The following PCSK2 variants were observed in gnomAD, a reference collection of about 807,000 sequenced individuals.
PCSK2 encodes proprotein convertase subtilisin/kexin type 2, also known as neuroendocrine convertase 2.
PCSK2 carries 14 observed loss-of-function variants against 69.7 expected under a neutral mutation model. That is an observed-to-expected ratio of 0.20 (90% CI 0.13 to 0.31). The LOEUF (loss-of-function observed/expected upper bound fraction) is 0.31, where lower values mean the gene tolerates loss of function less well. PCSK2 is among the 10% of genes least tolerant of loss of function. PCSK2 has a pLI of 1.00. For synonymous variants in PCSK2, 307 were observed against 320.7 expected, an observed-to-expected ratio of 0.96 and a Z score of 0.46; for missense variants, 544 against 842.5, an observed-to-expected ratio of 0.65 and a Z score of 4.39.
intron 5 of PCSK2, among the ~76,000 whole-genome samples, chr20:17,407,701 A>G (rs1164944165): frequency 6.6e-6 from 1 of 152,202 alleles, no homozygotes; most frequent in African/African-American, 2.4e-5. Context: ...AGTGAATGAA[A>G]GCAATCTGGG....
intron 2 of PCSK2, among the ~76,000 whole-genome samples, chr20:17,310,004 G>A (rs138102259): frequency 3.3e-4 from 50 of 152,144 alleles, no homozygotes; most frequent in African/African-American, 7.7e-4. Flanking sequence ...TTCTGCTTCC[G>A]GGGAGGCCTC....
chr20:17,395,983 G>A (rs2031501073), intron 5 of PCSK2, among the ~76,000 whole-genome samples: 1 of 152,146 alleles, frequency 6.6e-6, no homozygotes, highest in Non-Finnish European at 1.5e-5. Context: ...TGGACTCAAA[G>A]GTAGTGGCCT....
chr20:17,348,090 A>AGAAAGAAAGAAAGAAAGAAAGAAAGAAT (rs1568612767), intron 2 of PCSK2, among the ~76,000 whole-genome samples: 10 of 142,822 alleles, frequency 7.0e-5, no homozygotes, highest in African/African-American at 7.7e-5. Flanking sequence ...AAAGAAAGAA[A>AGAAAGAAAGAAAGAAAGAAAGAAAGAAT]GAAAGAAAGA....
At chr20:17,251,482 C>G (rs1986976915) in intron 1 of PCSK2, among the ~76,000 whole-genome samples, 1 of 152,214 alleles carries the variant, frequency 6.6e-6, no homozygotes, top group Non-Finnish European at 1.5e-5. Flanking sequence ...CCTTGAAGAT[C>G]ATCCAGTATC....
intron 5 of PCSK2, among the ~76,000 whole-genome samples, chr20:17,398,617 G>T (rs578201877): frequency 1.9e-4 from 29 of 151,688 alleles, no homozygotes; most frequent in Non-Finnish European, 4.3e-4. Context: ...TAATGTCAGT[G>T]CTGCTAGTAC....
At chr20:17,245,203 G>A (rs1171048336) in intron 1 of PCSK2, among the ~76,000 whole-genome samples, 1 of 152,084 alleles carries the variant, frequency 6.6e-6, no homozygotes, top group African/African-American at 2.4e-5. Flanking sequence ...CATCTCCAGT[G>A]GAAATATGCT....
intron 7 of PCSK2, among the ~76,000 whole-genome samples, chr20:17,433,814 C>CTCTCTCTCTCTCT (rs1555795288): frequency 0.27 from 19,090 of 70,692 alleles, 4,735 homozygotes; most frequent in South Asian, 0.35. Context: ...TCTCTCTCTC[C>CTCTCTCTCTCTCT]CCCCACTTCC....
chr20:17,479,796 C>CA lies in PCSK2; in HGVS notation c.1431-1763dup, dbSNP rs5840770. Among the ~76,000 whole-genome samples the CA allele has an allele frequency of 5.3e-3, 473 of 89,706 alleles. 6 individuals carry two copies. The highest frequency in any genetic ancestry group is 9.4e-3 in the East Asian group (27 of 2,862). 58.9% of individuals were successfully genotyped at this position (89,706 alleles called of 152,430 possible). ...TGGGCGACAGAGCAAGACTCCGTCTCAAAAAAAAAAAAAAAAAAAAAAAAA... is the reference window on the plus strand; with the variant it reads ...TGGGCGACAGAGCAAGACTCCGTCTCAAAAAAAAAAAAAAAAAAAAAAAAAA... On this transcript the variant is annotated intron_variant, in intron 11 of 11. Coordinates refer to ENST00000262545, the MANE Select transcript of PCSK2 (RefSeq NM_002594.5).
At chr20:17,456,484 C>A in intron 10 of PCSK2, 36 bp downstream of exon 10, 2 of 1,144,226 alleles carry the variant, frequency 1.7e-6, no homozygotes, top group Non-Finnish European at 2.6e-6. Flanking sequence ...GCCAGCTCTG[C>A]AGGGTGGACT....
chr20:17,353,336 A>G (rs540695555), intron 2 of PCSK2, among the ~76,000 whole-genome samples: 93 of 152,094 alleles, frequency 6.1e-4, no homozygotes, highest in African/African-American at 2.0e-3. Flanking sequence ...GTGGTGGCAC[A>G]CGCCTATAGT....
At chr20:17,376,659 C>G (rs759008349) in intron 5 of PCSK2, among the ~76,000 whole-genome samples, 1 of 152,190 alleles carries the variant, frequency 6.6e-6, no homozygotes, top group Non-Finnish European at 1.5e-5. Context: ...GGTTAACCTA[C>G]TCATTCATTT....
intron 2 of PCSK2, among the ~76,000 whole-genome samples, chr20:17,300,314 G>A (rs1317760191): frequency 6.6e-6 from 1 of 152,194 alleles, no homozygotes; most frequent in African/African-American, 2.4e-5. Flanking sequence ...TGCTGTGGGC[G>A]CCTGTTACCC....
intron 8 of PCSK2, among the ~76,000 whole-genome samples, chr20:17,441,510 A>C (rs55915901): frequency 0.016 from 2,361 of 152,316 alleles, 58 homozygotes; most frequent in African/African-American, 0.054. Context: ...TGGTAAAGAC[A>C]TACCTAAGGC....
chr20:17,457,402 A>G lies in PCSK2; in HGVS notation c.1202+954A>G, dbSNP rs1452762216. ...GCAAAGGAGGCAGGAGTTGGTTCCT[A>G]GAATAGAAAGGGGCTTCAACAGATT... On this transcript the variant is annotated intron_variant, in intron 10 of 11. Transcript: ENST00000262545. Among the ~76,000 whole-genome samples the G allele has an allele frequency of 3.3e-5, 5 of 152,232 alleles. No homozygotes were observed. The East Asian group carries it at 9.6e-4, about 29-fold the overall frequency.
intron 2 of PCSK2, among the ~76,000 whole-genome samples, chr20:17,277,959 AC>A (rs1209688982): frequency 6.6e-6 from 1 of 152,136 alleles, no homozygotes; most frequent in Admixed American, 6.5e-5. Context: ...GCCAAAAAAC[AC>A]ATGAAAAAAT....
At chr20:17,472,406 C>T (rs1414220445) in intron 11 of PCSK2, among the ~76,000 whole-genome samples, 2 of 152,330 alleles carry the variant, frequency 1.3e-5, no homozygotes, top group East Asian at 3.9e-4. Flanking sequence ...CAAGTTCATG[C>T]CCACCTGACT....
At chr20:17,283,709 C>T (rs1397785076) in intron 2 of PCSK2, among the ~76,000 whole-genome samples, 3 of 152,124 alleles carry the variant, frequency 2.0e-5, no homozygotes, top group Admixed American at 2.0e-4. Flanking sequence ...GTTTCCTGCA[C>T]CGAAGAACTA....
chr20:17,315,863 C>T (rs1989672847), intron 2 of PCSK2, among the ~76,000 whole-genome samples: 1 of 152,214 alleles, frequency 6.6e-6, no homozygotes, highest in African/African-American at 2.4e-5. Context: ...CAGTGTGAAT[C>T]CATGGCCCGC....
At chr20:17,456,301 A>G in intron 9 of PCSK2, 47 bp from the exon 10 acceptor site, 1 of 1,050,610 alleles carries the variant, frequency 9.5e-7, no homozygotes. Context: ...GCGGGGGTTC[A>G]AAATAGCGTG....
Sources: allele counts gnomAD v4.1 joint callset (sites outside exome capture counted in the v4.1 genomes callset), GRCh38; gene constraint gnomAD v4.1.1; transcripts MANE v1.5; gene names NCBI Gene and HGNC (gene_info 2026-07-23, HGNC 2026-07-21).